The following WRN variants were observed in gnomAD, a reference collection of about 807,000 sequenced individuals.
WRN encodes WRN RecQ like helicase, also known as bifunctional 3'-5' exonuclease/ATP-dependent helicase WRN.
WRN carries 149 observed loss-of-function variants against 180.7 expected under a neutral mutation model. The ratio of observed to expected loss-of-function variants is 0.82; its 90% CI spans 0.72 to 0.94. The LOEUF is 0.94. WRN is among the 40% of genes least tolerant of loss of function. The pLI is 0.00. For synonymous variants in WRN, 548 were observed against 568.9 expected, an observed-to-expected ratio of 0.96 and a Z score of 0.52; for missense variants, 1,661 against 1,700.1, an observed-to-expected ratio of 0.98 and a Z score of 0.40.
intron 8 of WRN, among the ~76,000 whole-genome samples, chr8:31,076,719 T>C (rs1006699697): frequency 6.6e-6 from 1 of 152,206 alleles, no homozygotes; most frequent in Non-Finnish European, 1.5e-5. Context: ...CAATGTCATA[T>C]TTAGTAGCCT....
At chr8:31,072,268 A>G (rs1038369197) in intron 7 of WRN, among the ~76,000 whole-genome samples, 1 of 152,214 alleles carries the variant, frequency 6.6e-6, no homozygotes, top group African/African-American at 2.4e-5. Context: ...GAAACTGAGG[A>G]CTTAGAATTC....
intron 21 of WRN, among the ~76,000 whole-genome samples, chr8:31,121,799 A>G (rs529897993): frequency 6.6e-6 from 1 of 152,132 alleles, no homozygotes; most frequent in East Asian, 1.9e-4. Flanking sequence ...TTTCCTTCTT[A>G]ACATAGAAGA....
At chr8:31,065,638 C>T (rs1269243379) in intron 5 of WRN, among the ~76,000 whole-genome samples, 4 of 151,938 alleles carry the variant, frequency 2.6e-5, no homozygotes, top group African/African-American at 7.3e-5. Context: ...TGCAGTCTAT[C>T]ATTGATGGGC....
chr8:31,103,372 G>C (rs1222952760), intron 18 of WRN, among the ~76,000 whole-genome samples: 1 of 152,216 alleles, frequency 6.6e-6, no homozygotes, highest in Non-Finnish European at 1.5e-5. Context: ...ACTTTTTAAT[G>C]CCTGGTAGTG....
intron 1 of WRN, among the ~76,000 whole-genome samples, chr8:31,036,248 C>T (rs1811449738): frequency 6.6e-6 from 1 of 152,100 alleles, no homozygotes; most frequent in South Asian, 2.1e-4. Flanking sequence ...ATCACATTTT[C>T]TTTATCCACT....
intron 7 of WRN, among the ~76,000 whole-genome samples, chr8:31,074,241 A>C (rs1292623346): frequency 1.3e-5 from 2 of 151,926 alleles, no homozygotes; most frequent in Non-Finnish European, 2.9e-5. Flanking sequence ...TAACCTTTTC[A>C]AAAGCAGCTT....
chr8:31,070,178 T>C (rs925312872), intron 7 of WRN, among the ~76,000 whole-genome samples: 1 of 151,686 alleles, frequency 6.6e-6, no homozygotes, highest in African/African-American at 2.4e-5. Flanking sequence ...CAATTACTTT[T>C]GCACCAACCT....
At chr8:31,099,138 C>G (rs12549825) in intron 17 of WRN, among the ~76,000 whole-genome samples, 79,513 of 151,248 alleles carry the variant, frequency 0.53, 22,600 homozygotes, top group Middle Eastern at 0.63. Context: ...GTGGCTCACA[C>G]CTGTAATCCC....
intron 23 of WRN, among the ~76,000 whole-genome samples, chr8:31,127,088 C>A (rs1801956999): frequency 6.6e-6 from 1 of 152,146 alleles, no homozygotes; most frequent in Non-Finnish European, 1.5e-5. Context: ...TGTTAAAAAT[C>A]TCTGAAAATA....
intron 8 of WRN, among the ~76,000 whole-genome samples, chr8:31,080,618 G>A (rs931857048): frequency 2.6e-5 from 4 of 151,480 alleles, no homozygotes; most frequent in African/African-American, 9.7e-5. Context: ...AACAAATTTG[G>A]GACCAAGCAC....
intron 33 of WRN, among the ~76,000 whole-genome samples, chr8:31,159,980 A>T (rs945984595): frequency 7.0e-6 from 1 of 142,814 alleles, no homozygotes; most frequent in Non-Finnish European, 1.5e-5. Flanking sequence ...GTACCCTGAC[A>T]AGTTTTAGTT....
chr8:31,035,467 A>G (rs1413680019), intron 1 of WRN, among the ~76,000 whole-genome samples: 9 of 152,142 alleles, frequency 5.9e-5, no homozygotes, highest in African/African-American at 1.7e-4. Context: ...TCAGAGAGCA[A>G]CTTAAGAGGC....
At position 31,106,017 on chromosome 8, in the gene WRN, C is replaced by T. The variant is rs530598288; in HGVS notation, c.2088+5062C>T. ...CAGGTATCTCAAACTTAACCTCTTC[C>T]TAATTGACTTCTGCATAGCACTCCA... On this transcript the variant is annotated intron_variant, in intron 18 of 34. Transcript: ENST00000298139. 3.9e-5 allele frequency among the ~76,000 whole-genome samples: 6 copies of T among 152,254 alleles called. No individual in the cohort carries two copies. The East Asian group carries it at 9.7e-4, about 25-fold the overall frequency.
At chr8:31,117,286 T>C (rs1801560616) in intron 20 of WRN, among the ~76,000 whole-genome samples, 1 of 152,182 alleles carries the variant, frequency 6.6e-6, no homozygotes, top group Non-Finnish European at 1.5e-5. Flanking sequence ...TGGGGTCTTA[T>C]AATCCTTGGA....
chr8:31,116,843 G>A (rs983585272), intron 20 of WRN, among the ~76,000 whole-genome samples: 26 of 152,248 alleles, frequency 1.7e-4, no homozygotes, highest in African/African-American at 6.3e-4. Context: ...TAGGTGATGA[G>A]GGGAAAGGAA....
At chr8:31,111,097 G>GAGA (rs1199846918) in intron 18 of WRN, among the ~76,000 whole-genome samples, 1 of 151,974 alleles carries the variant, frequency 6.6e-6, no homozygotes, top group African/African-American at 2.4e-5. Context: ...GAGGTTATCT[G>GAGA]GGTCATTGGA....
intron 33 of WRN, among the ~76,000 whole-genome samples, chr8:31,162,878 TATG>T (rs35224697): frequency 0.065 from 9,877 of 151,864 alleles, 356 homozygotes; most frequent in African/African-American, 0.073. Flanking sequence ...TGGTGGCAAA[TATG>T]ATGATGATGA....
chr8:31,118,779 T>C (rs1304756426), intron 20 of WRN, among the ~76,000 whole-genome samples: 1 of 152,052 alleles, frequency 6.6e-6, no homozygotes, highest in Non-Finnish European at 1.5e-5. Flanking sequence ...ATTTTTAGTC[T>C]TGAACATTCA....
intron 21 of WRN, 115 bp downstream of exon 21, chr8:31,120,539 A>AG: frequency 3.2e-6 from 3 of 931,040 alleles, no homozygotes; most frequent in Non-Finnish European, 4.6e-6. Context: ...GTGCATTTAA[A>AG]GTAAAAAAAA....
Sources: gnomAD v4.1 joint callset for allele counts (sites outside exome capture counted in the v4.1 genomes callset) on GRCh38, gnomAD v4.1.1 for gene constraint, MANE v1.5 for transcripts, NCBI Gene and HGNC (gene_info 2026-07-23, HGNC 2026-07-21) for gene names.